The following ENTPD5 variants were observed in gnomAD, a reference collection of about 807,000 sequenced individuals.
The protein encoded by ENTPD5 is ectonucleoside triphosphate diphosphohydrolase 5 (inactive), also known as nucleoside diphosphate phosphatase ENTPD5.
Under a neutral mutation model 60.2 loss-of-function variants are expected in ENTPD5, and 49 were observed. That is an observed-to-expected ratio of 0.81 (90% CI 0.65 to 1.03). The LOEUF is 1.03. ENTPD5 is among the 50% of genes least tolerant of loss of function. The pLI, the probability that ENTPD5 is intolerant of heterozygous loss-of-function variation, is 0.00. For synonymous variants in ENTPD5, 187 were observed against 185.4 expected (o/e 1.01, Z -0.07); for missense variants, 480 against 507.6 (o/e 0.95, Z 0.52).
chr14:74,012,284 A>C (rs2058868817), intron 2 of ENTPD5, among the ~76,000 whole-genome samples: 1 of 137,382 alleles, frequency 7.3e-6, no homozygotes, highest in African/African-American at 2.7e-5. Flanking sequence ...TTTTATTTTT[A>C]GTAGAGAGGG....
intron 11 of ENTPD5, among the ~76,000 whole-genome samples, chr14:73,974,233 G>A (rs2057346072): frequency 6.6e-6 from 1 of 152,122 alleles, no homozygotes; most frequent in African/African-American, 2.4e-5. Context: ...AGGGGTCCAT[G>A]GCTTTCATCA....
chr14:73,977,193 C>T, intron 7 of ENTPD5, 106 bp downstream of exon 7: 2 of 1,230,076 alleles, frequency 1.6e-6, no homozygotes, highest in Non-Finnish European at 1.2e-6. Flanking sequence ...CTTCTATTTC[C>T]TGCTATCTCA....
At chr14:73,993,403 C>T (rs527737616) in intron 3 of ENTPD5, among the ~76,000 whole-genome samples, 9 of 152,192 alleles carry the variant, frequency 5.9e-5, no homozygotes, top group African/African-American at 2.2e-4. Flanking sequence ...TGGAACCATC[C>T]GTTAGAACAC....
chr14:73,995,787 G>A (rs1451883060), intron 3 of ENTPD5, among the ~76,000 whole-genome samples: 2 of 151,960 alleles, frequency 1.3e-5, no homozygotes, highest in African/African-American at 4.8e-5. Flanking sequence ...TGTAGACTAG[G>A]GAGGTATGTA....
chr14:74,006,648 C>T (rs2058688889), intron 3 of ENTPD5, among the ~76,000 whole-genome samples: 1 of 150,148 alleles, frequency 6.7e-6, no homozygotes, highest in African/African-American at 2.5e-5. Context: ...TGCAGTGGTG[C>T]AGACACAGCT....
At chr14:74,017,058 C>G (rs1236483381) in intron 1 of ENTPD5, among the ~76,000 whole-genome samples, 1 of 152,234 alleles carries the variant, frequency 6.6e-6, no homozygotes, top group Non-Finnish European at 1.5e-5. Context: ...GTGGCTCACG[C>G]CTGTAATCCC....
intron 3 of ENTPD5, among the ~76,000 whole-genome samples, chr14:74,002,313 TG>T (rs1251689901): frequency 1.3e-5 from 2 of 152,030 alleles, no homozygotes; most frequent in African/African-American, 4.8e-5. Context: ...AAGACAGATA[TG>T]GGAGTGGGGA....
At chr14:73,983,268 G>A (rs2140583752) in intron 5 of ENTPD5, 107 bp from the exon 6 acceptor site, 3 of 1,196,622 alleles carry the variant, frequency 2.5e-6, no homozygotes, top group African/African-American at 1.5e-5. Context: ...AGGTGGCATA[G>A]GGCTCCAACC....
chr14:73,962,342 C>A (rs1234654276), downstream of ENTPD5, among the ~76,000 whole-genome samples: 1 of 151,876 alleles, frequency 6.6e-6, no homozygotes, highest in African/African-American at 2.4e-5. Flanking sequence ...AGAGTACTTG[C>A]TAGGCTTTTA....
intron 3 of ENTPD5, among the ~76,000 whole-genome samples, chr14:73,994,911 A>G (rs1166360034): frequency 6.6e-6 from 1 of 151,636 alleles, no homozygotes; most frequent in Non-Finnish European, 1.5e-5. Context: ...ATGTTTTCCT[A>G]TCTTCCTTTT....
downstream of ENTPD5, chr14:73,962,930 A>G (rs765757967): frequency 7.3e-6 from 11 of 1,504,862 alleles, no homozygotes; most frequent in Non-Finnish European, 1.0e-5. Flanking sequence ...TCTTCACCTT[A>G]CTGTGTTAAG....
intron 1 of ENTPD5, among the ~76,000 whole-genome samples, chr14:74,016,251 T>C (rs1247549904): frequency 1.3e-5 from 2 of 152,230 alleles, no homozygotes; most frequent in Non-Finnish European, 2.9e-5. Flanking sequence ...TACCAGAGTA[T>C]GAAATCTTGG....
intron 1 of ENTPD5, among the ~76,000 whole-genome samples, chr14:74,017,089 C>T (rs1430781250): frequency 1.3e-5 from 2 of 152,172 alleles, no homozygotes; most frequent in Non-Finnish European, 2.9e-5. Context: ...TAGGCCGAGG[C>T]GGGCGGATCA....
chr14:73,985,268 G>A (rs909421551), intron 5 of ENTPD5, among the ~76,000 whole-genome samples: 5 of 152,142 alleles, frequency 3.3e-5, no homozygotes, highest in Non-Finnish European at 5.9e-5. Flanking sequence ...GTAATGGGAT[G>A]GCTGGGTCAA....
chr14:74,017,002 G>A (rs1223907389), intron 1 of ENTPD5, among the ~76,000 whole-genome samples: 1 of 152,290 alleles, frequency 6.6e-6, no homozygotes, highest in Non-Finnish European at 1.5e-5. Flanking sequence ...GAGTGTGAAA[G>A]TATACCAGAA....
intron 3 of ENTPD5, among the ~76,000 whole-genome samples, chr14:74,001,895 T>C (rs1008546298): frequency 6.6e-6 from 1 of 151,942 alleles, no homozygotes; most frequent in Admixed American, 6.6e-5. Context: ...GAATTTTTTA[T>C]ATGAATTTGA....
chr14:74,017,899 A>G (rs2059094221), intron 1 of ENTPD5, among the ~76,000 whole-genome samples: 1 of 150,046 alleles, frequency 6.7e-6, no homozygotes, highest in Non-Finnish European at 1.5e-5. Context: ...AAAAAGGTTT[A>G]CAGCCGGGGC....
intron 10 of ENTPD5, among the ~76,000 whole-genome samples, 160 bp from the exon 11 acceptor site, chr14:73,975,145 T>G (rs2057387254): frequency 6.6e-6 from 1 of 152,200 alleles, no homozygotes; most frequent in African/African-American, 2.4e-5. Context: ...AAGGGGTAAT[T>G]TCTGCACAGT....
downstream of ENTPD5, chr14:73,959,999 AAAT>A: frequency 9.7e-7 from 1 of 1,033,884 alleles, no homozygotes; most frequent in Non-Finnish European, 1.2e-6. Flanking sequence ...TAGAAATAAT[AAAT>A]AATAACCTTT....
Sources: gnomAD v4.1 joint callset for allele counts (sites outside exome capture counted in the v4.1 genomes callset) on GRCh38, gnomAD v4.1.1 for gene constraint, MANE v1.5 for transcripts, NCBI Gene and HGNC (gene_info 2026-07-23, HGNC 2026-07-21) for gene names.